ZNF766: variants seen among roughly 807,000 people sequenced by gnomAD.
ZNF766 encodes the protein zinc finger protein 766.
Under a neutral mutation model 13.2 loss-of-function variants are expected in ZNF766, and 13 were observed. The observed-to-expected ratio is 0.98, with a 90% CI of 0.64 to 1.56. The LOEUF (loss-of-function observed/expected upper bound fraction) is 1.56. ZNF766 is among the 40% of genes most tolerant of loss of function. The pLI, the probability that ZNF766 is intolerant of heterozygous loss-of-function variation, is 0.00. For synonymous variants in ZNF766, 178 were observed against 187.6 expected (o/e 0.95, Z 0.42); for missense variants, 521 against 552.2 (o/e 0.94, Z 0.57).
At chr19:52,278,377 G>A (rs142210738) in intron 1 of ZNF766, among the ~76,000 whole-genome samples, 196 of 152,118 alleles carry the variant, frequency 1.3e-3, no homozygotes, top group Non-Finnish European at 2.3e-3. Flanking sequence ...CTTTTGAGAG[G>A]TGTCTGTTCA....
intron 1 of ZNF766, among the ~76,000 whole-genome samples, chr19:52,278,344 C>T (rs34449583): frequency 0.021 from 3,177 of 152,156 alleles, 45 homozygotes; most frequent in Non-Finnish European, 0.032. Flanking sequence ...TTTCCATATG[C>T]TTGTTGGCTA....
chr19:52,277,614 T>C (rs1981276662), intron 1 of ZNF766: 2 of 1,483,962 alleles, frequency 1.3e-6, no homozygotes, highest in Non-Finnish European at 1.8e-6. Flanking sequence ...GAGTTGAGAA[T>C]CTTCTCTGAG....
chr19:52,290,573 AC>A lies in ZNF766; in HGVS notation c.783del (p.His261GlnfsTer54). 1 of 1,614,194 alleles carries A rather than the reference AC, an allele frequency of 6.2e-7. No homozygotes were observed. The highest frequency in any genetic ancestry group is 1.1e-5 in the South Asian group (1 of 91,090). On this transcript the variant is annotated frameshift_variant, in exon 4 of 4. Coordinates refer to ENST00000439461, the MANE Select transcript of ZNF766 (RefSeq NM_001010851.3). LOFTEE classifies it low-confidence loss of function (END_TRUNC). ...AATCGAATTGCATACCTTGCACGAC[AC>A]GAGAAAGTGCATACTGGAGAGAGTC... ...LFNRIAYLAR[H>X]EKVHTGESPY...
chr19:52,269,698 G>T, intron 1 of ZNF766, 67 bp downstream of exon 1: 1 of 1,593,554 alleles, frequency 6.3e-7, no homozygotes. Context: ...TACCCGGGAT[G>T]TGGGGGGCGG....
At chr19:52,285,340 C>T (rs563462319) in intron 3 of ZNF766, among the ~76,000 whole-genome samples, 31 of 152,230 alleles carry the variant, frequency 2.0e-4, no homozygotes, top group South Asian at 8.3e-4. Context: ...GGCCAGGTCC[C>T]ACAGGTTTAG....
chr19:52,270,855 G>A (rs745455785), intron 1 of ZNF766, among the ~76,000 whole-genome samples: 4 of 152,138 alleles, frequency 2.6e-5, no homozygotes, highest in African/African-American at 4.8e-5. Context: ...CAAAATCTCG[G>A]CTCACTGCAA....
chr19:52,283,148 T>A, intron 2 of ZNF766, 137 bp from the exon 3 acceptor site: 1 of 1,022,198 alleles, frequency 9.8e-7, no homozygotes, highest in Non-Finnish European at 1.4e-6. Flanking sequence ...CAGCATCTGT[T>A]GCTTGCTGAC....
At chr19:52,283,822 C>T (rs1291390412) in intron 3 of ZNF766, among the ~76,000 whole-genome samples, 2 of 152,210 alleles carry the variant, frequency 1.3e-5, no homozygotes, top group South Asian at 2.1e-4. Context: ...ACTGCAACCT[C>T]CGCCTCCCGG....
At position 52,288,495 on chromosome 19, in the gene ZNF766, G is replaced by A. The variant is rs148676437; in HGVS notation, c.275-1571G>A. ...TGATGATCTCACTTTAGCCTCCTGC[G>A]TAGTTGGGACTACAAGCACACGACA... On this transcript the variant is annotated intron_variant, in intron 3 of 3. Transcript: ENST00000439461. 8.5e-5 allele frequency among the ~76,000 whole-genome samples: 13 copies of A among 152,100 alleles called. No individual in the cohort carries two copies. In the East Asian group the frequency reaches 2.3e-3, roughly 27 times the overall value.
chr19:52,275,294 CAAG>C (rs1000660289), intron 1 of ZNF766, among the ~76,000 whole-genome samples: 5 of 151,940 alleles, frequency 3.3e-5, no homozygotes, highest in African/African-American at 9.7e-5. Context: ...AAATTAAAAA[CAAG>C]AAAAAGTTTA....
Position 52,291,996 on chromosome 19 carries a change from C to A in ZNF766, c.*798C>A. 1.7e-6 allele frequency: 1 copy of A among 590,668 alleles called. No individual in the cohort carries two copies. Among genetic ancestry groups the A allele is most frequent in the Non-Finnish European group, 3.0e-6 (1 of 332,732 alleles). 36.6% of individuals were successfully genotyped at this position (590,668 alleles called of 1,614,324 possible). ...CCGAGGCAAGAGGATTGCTCAAGCCCAGGAGTTTGAGAGTTTGAGCAGTGA... is the reference window on the plus strand; with the variant it reads ...CCGAGGCAAGAGGATTGCTCAAGCCAAGGAGTTTGAGAGTTTGAGCAGTGA... On this transcript the variant is annotated 3_prime_UTR_variant, in exon 4 of 4. Coordinates refer to ENST00000439461, the MANE Select transcript of ZNF766 (RefSeq NM_001010851.3).
intron 1 of ZNF766, among the ~76,000 whole-genome samples, chr19:52,280,204 A>G (rs1008568855): frequency 2.0e-5 from 3 of 152,094 alleles, no homozygotes; most frequent in Non-Finnish European, 4.4e-5. Context: ...CATTAGCAAA[A>G]ATAATAATGA....
At chr19:52,282,379 T>G in intron 2 of ZNF766, 142 bp downstream of exon 2, 1 of 1,011,614 alleles carries the variant, frequency 9.9e-7, no homozygotes, top group Non-Finnish European at 1.4e-6. Flanking sequence ...CTCATGCCTG[T>G]AATCCCAGCA....
rs914368672 is a variant in ZNF766, at chr19:52,295,084, A to G, written c.*3886A>G. On this transcript the variant is annotated 3_prime_UTR_variant, in exon 4 of 4. Coordinates refer to ENST00000439461, the MANE Select transcript of ZNF766 (RefSeq NM_001010851.3). ...CATGGTTCATTTTCAACTCTAATAA[A>G]ATTATATTTTGTGTTTATATATGCA... 2.6e-5 allele frequency: 4 copies of G among 151,888 alleles called. No homozygotes were observed. Among genetic ancestry groups the G allele is most frequent in the Non-Finnish European group, 4.4e-5 (3 of 67,988 alleles). 9.4% of individuals were successfully genotyped at this position (151,888 alleles called of 1,614,324 possible).
chr19:52,276,043 T>C (rs922808790), intron 1 of ZNF766, among the ~76,000 whole-genome samples: 1 of 152,204 alleles, frequency 6.6e-6, no homozygotes, highest in African/African-American at 2.4e-5. Context: ...TTGTTACAGT[T>C]GACTATAGTA....
chr19:52,284,752 G>A (rs1981723725), intron 3 of ZNF766: 1 of 151,930 alleles, frequency 6.6e-6, no homozygotes, highest in African/African-American at 2.4e-5. Context: ...TACTTTGCTA[G>A]GGTGGCTTAC....
chr19:52,281,478 C>A, intron 1 of ZNF766: 1 of 275,700 alleles, frequency 3.6e-6, no homozygotes, highest in Non-Finnish European at 7.1e-6. Context: ...GAGATTGCGC[C>A]ACTGCACTCC....
intron 1 of ZNF766, among the ~76,000 whole-genome samples, chr19:52,274,866 G>A (rs574455058): frequency 1.4e-3 from 216 of 152,158 alleles, no homozygotes; most frequent in South Asian, 3.7e-3. Flanking sequence ...AGGAGAAAAA[G>A]AAAGTACTCT....
chr19:52,279,151 TTTTGTCAGC>T (rs1222972967), intron 1 of ZNF766, among the ~76,000 whole-genome samples: 1 of 152,200 alleles, frequency 6.6e-6, no homozygotes, highest in African/African-American at 2.4e-5. Flanking sequence ...CATTGCTTGT[TTTTGTCAGC>T]TTTGTCAAAG....
Sources: gnomAD v4.1 joint callset for allele counts (sites outside exome capture counted in the v4.1 genomes callset) on GRCh38, gnomAD v4.1.1 for gene constraint, MANE v1.5 for transcripts, NCBI Gene and HGNC (gene_info 2026-07-23, HGNC 2026-07-21) for gene names.